The following NRXN3 variants were observed in gnomAD, a reference collection of about 807,000 sequenced individuals.
NRXN3 encodes the protein neurexin 3, also known as neurexin III.
NRXN3 carries 32 observed loss-of-function variants against 137.6 expected under a neutral mutation model. That is an observed-to-expected ratio of 0.23 (90% CI 0.18 to 0.31). The LOEUF (loss-of-function observed/expected upper bound fraction) is 0.31, where lower values mean the gene tolerates loss of function less well. Among genes scored for constraint, NRXN3 ranks in the 10% least tolerant of loss-of-function variants. NRXN3 has a pLI of 1.00. For missense variants in NRXN3, 1,574 were observed against 2,062.5 expected (o/e 0.76, Z 4.59); for synonymous variants, 798 against 784.5 (o/e 1.02, Z -0.29).
intron 14 of NRXN3, 55 bp downstream of exon 14, chr14:78,968,401 C>G (rs1168801568): frequency 3.9e-6 from 6 of 1,539,722 alleles, no homozygotes; most frequent in African/African-American, 2.7e-5. Flanking sequence ...CACCAAGCCT[C>G]TTTGCTGCCT....
At chr14:78,623,439 A>C (rs1025061877) in intron 4 of NRXN3, among the ~76,000 whole-genome samples, 13 of 151,998 alleles carry the variant, frequency 8.6e-5, no homozygotes, top group Admixed American at 8.5e-4. Flanking sequence ...AGCTTCCATC[A>C]CTCCCTTCCA....
intron 4 of NRXN3, among the ~76,000 whole-genome samples, chr14:78,578,287 C>T (rs910753710): frequency 2.0e-5 from 3 of 152,052 alleles, no homozygotes; most frequent in South Asian, 2.1e-4. Context: ...AGAATAGAAT[C>T]GGATAAGTTT....
At chr14:78,437,530 G>A (rs1318164444) in intron 4 of NRXN3, among the ~76,000 whole-genome samples, 6 of 152,010 alleles carry the variant, frequency 3.9e-5, no homozygotes, top group Non-Finnish European at 5.9e-5. Context: ...TGTAGTTTTA[G>A]TAGAGACAGG....
At chr14:78,652,788 AT>A (rs1310728621) in intron 6 of NRXN3, among the ~76,000 whole-genome samples, 2 of 152,220 alleles carry the variant, frequency 1.3e-5, no homozygotes, top group South Asian at 4.1e-4. Context: ...TCTGATAATC[AT>A]TGAGTACCTT....
intron 15 of NRXN3, among the ~76,000 whole-genome samples, chr14:79,002,396 G>T (rs567050828): frequency 6.6e-6 from 1 of 152,170 alleles, no homozygotes; most frequent in East Asian, 1.9e-4. Context: ...AGGCCCCAGT[G>T]TGTGTTGTTC....
intron 4 of NRXN3, among the ~76,000 whole-genome samples, chr14:78,370,277 C>T (rs1009033245): frequency 6.6e-6 from 1 of 151,408 alleles, no homozygotes; most frequent in African/African-American, 2.4e-5. Flanking sequence ...TGCCCATGCA[C>T]CAGCCACACA....
At chr14:78,184,652 C>T (rs780686332) in intron 1 of NRXN3, among the ~76,000 whole-genome samples, 12 of 152,236 alleles carry the variant, frequency 7.9e-5, no homozygotes, top group Non-Finnish European at 2.9e-5. Flanking sequence ...CCATTTTCCT[C>T]ACAGAATCTT....
intron 10 of NRXN3, among the ~76,000 whole-genome samples, chr14:78,928,433 A>G (rs915381061): frequency 3.9e-5 from 6 of 152,024 alleles, no homozygotes; most frequent in Non-Finnish European, 7.4e-5. Context: ...TATATCTCCT[A>G]ATTCTATCCC....
chr14:79,158,223 G>A (rs2060435519), intron 15 of NRXN3, among the ~76,000 whole-genome samples: 1 of 151,116 alleles, frequency 6.6e-6, no homozygotes, highest in African/African-American at 2.4e-5. Context: ...CAAAACCAAT[G>A]TTCACCTTAG....
At chr14:78,260,026 G>A (rs139929423) in intron 2 of NRXN3, among the ~76,000 whole-genome samples, 5 of 152,234 alleles carry the variant, frequency 3.3e-5, no homozygotes, top group Admixed American at 1.3e-4. Context: ...AAATTCTCTC[G>A]CTGAAACTCG....
At chr14:79,261,062 C>A (rs1344442549) in intron 15 of NRXN3, among the ~76,000 whole-genome samples, 1 of 152,060 alleles carries the variant, frequency 6.6e-6, no homozygotes, top group Non-Finnish European at 1.5e-5. Flanking sequence ...AAGAAAGGGG[C>A]TCCAGCTGGA....
At chr14:79,243,058 G>T (rs182865964) in intron 15 of NRXN3, among the ~76,000 whole-genome samples, 1 of 152,090 alleles carries the variant, frequency 6.6e-6, no homozygotes, top group African/African-American at 2.4e-5. Flanking sequence ...AGAAGTTTAA[G>T]CATTCATCTT....
At chr14:79,757,807 T>C (rs1376028526) in intron 19 of NRXN3, among the ~76,000 whole-genome samples, 1 of 152,192 alleles carries the variant, frequency 6.6e-6, no homozygotes, top group African/African-American at 2.4e-5. Context: ...CTCTCAACTT[T>C]TTAGATACTA....
chr14:78,820,314 T>G (rs2098947081), intron 10 of NRXN3, among the ~76,000 whole-genome samples: 1 of 149,408 alleles, frequency 6.7e-6, no homozygotes, highest in South Asian at 2.1e-4. Flanking sequence ...TTCTGGAGTT[T>G]CCAGAATAAT....
intron 6 of NRXN3, among the ~76,000 whole-genome samples, chr14:78,670,472 C>A (rs1446106204): frequency 6.6e-6 from 1 of 152,192 alleles, no homozygotes; most frequent in Non-Finnish European, 1.5e-5. Context: ...AATGCCTAAC[C>A]TGGGAATGCA....
intron 4 of NRXN3, among the ~76,000 whole-genome samples, chr14:78,489,923 T>C (rs1434399595): frequency 6.6e-6 from 1 of 151,834 alleles, no homozygotes; most frequent in Non-Finnish European, 1.5e-5. Context: ...GGACTTTTTT[T>C]TTTTTTTTTG....
At chr14:79,638,027 G>A (rs1425978333) in intron 16 of NRXN3, among the ~76,000 whole-genome samples, 2 of 151,956 alleles carry the variant, frequency 1.3e-5, no homozygotes, top group Non-Finnish European at 2.9e-5. Flanking sequence ...ACCGTGCCTG[G>A]CCTTATAAAG....
intron 16 of NRXN3, among the ~76,000 whole-genome samples, chr14:79,601,780 A>C (rs2097924796): frequency 6.6e-6 from 1 of 152,140 alleles, no homozygotes; most frequent in African/African-American, 2.4e-5. Context: ...AAAATAAATG[A>C]GTCAATGTGC....
chr14:79,467,791 T>G (rs1258431605), intron 16 of NRXN3, among the ~76,000 whole-genome samples: 1 of 152,184 alleles, frequency 6.6e-6, no homozygotes, highest in Non-Finnish European at 1.5e-5. Context: ...TGGCAAACCT[T>G]CTGTAAAGAG....
Sources: allele counts gnomAD v4.1 joint callset (sites outside exome capture counted in the v4.1 genomes callset), GRCh38; gene constraint gnomAD v4.1.1; transcripts MANE v1.5; gene names NCBI Gene and HGNC (gene_info 2026-07-23, HGNC 2026-07-21).